Variants in ZNF365 observed in about 807,000 individuals in gnomAD.
ZNF365 encodes zinc finger protein 365, also known as protein ZNF365.
ZNF365 carries 22 observed loss-of-function variants against 35.0 expected under a neutral mutation model. The ratio of observed to expected loss-of-function variants is 0.63; its 90% CI spans 0.45 to 0.90. ZNF365 has a LOEUF of 0.90. Ranked by LOEUF, ZNF365 falls within the 40% of genes least tolerant of loss-of-function variation. The pLI is 0.00. For missense variants in ZNF365, 448 were observed against 500.3 expected (o/e 0.90, Z 1.00); for synonymous variants, 188 against 196.2 (o/e 0.96, Z 0.35).
intron 4 of ZNF365, among the ~76,000 whole-genome samples, chr10:62,463,909 G>C (rs1350432238): frequency 6.6e-6 from 1 of 152,142 alleles, no homozygotes; most frequent in Non-Finnish European, 1.5e-5. Flanking sequence ...CCCTCCAACG[G>C]ATGAGAGACT....
chr10:62,408,658 A>G (rs1224791700), intron 3 of ZNF365, among the ~76,000 whole-genome samples: 1 of 152,140 alleles, frequency 6.6e-6, no homozygotes, highest in Non-Finnish European at 1.5e-5. Flanking sequence ...AGTGTCAGAA[A>G]ACAAATACTA....
At chr10:62,414,241 C>T (rs1479200508) in intron 3 of ZNF365, among the ~76,000 whole-genome samples, 1 of 151,854 alleles carries the variant, frequency 6.6e-6, no homozygotes, top group Non-Finnish European at 1.5e-5. Context: ...TTTCTGTCAC[C>T]CAGGCTGGAA....
chr10:62,471,531 A>C (rs1033964363), intron 4 of ZNF365, among the ~76,000 whole-genome samples: 2 of 152,224 alleles, frequency 1.3e-5, no homozygotes, highest in African/African-American at 4.8e-5. Context: ...CCATACTTGG[A>C]ATAGCGAAAG....
At chr10:62,431,670 C>A (rs1233875869) in intron 3 of ZNF365, among the ~76,000 whole-genome samples, 1 of 152,074 alleles carries the variant, frequency 6.6e-6, no homozygotes, top group Non-Finnish European at 1.5e-5. Flanking sequence ...GTTTGCACAA[C>A]AAAATAATCT....
intron 3 of ZNF365, among the ~76,000 whole-genome samples, chr10:62,427,121 G>A (rs1840262301): frequency 6.6e-6 from 1 of 152,200 alleles, no homozygotes; most frequent in Non-Finnish European, 1.5e-5. Flanking sequence ...TGTTTGTGGT[G>A]ATGGTTAATA....
At chr10:62,451,322 T>C (rs1216324949) in intron 3 of ZNF365, among the ~76,000 whole-genome samples, 4 of 152,202 alleles carry the variant, frequency 2.6e-5, no homozygotes, top group African/African-American at 7.2e-5. Flanking sequence ...TGAGCTTGTT[T>C]CCTTGTTCAA....
At chr10:62,471,348 A>G (rs1841033916) in intron 4 of ZNF365, among the ~76,000 whole-genome samples, 1 of 148,918 alleles carries the variant, frequency 6.7e-6, no homozygotes, top group Non-Finnish European at 1.5e-5. Flanking sequence ...CCTGGGCGAC[A>G]GAGCAAGACT....
At chr10:62,437,268 A>G (rs950797730) in intron 3 of ZNF365, among the ~76,000 whole-genome samples, 3 of 152,202 alleles carry the variant, frequency 2.0e-5, no homozygotes, top group African/African-American at 7.2e-5. Flanking sequence ...ATTTGTAAGT[A>G]GCAGTTTGGC....
intron 2 of ZNF365, among the ~76,000 whole-genome samples, chr10:62,380,502 T>C (rs1171805819): frequency 6.6e-6 from 1 of 152,232 alleles, no homozygotes; most frequent in Non-Finnish European, 1.5e-5. Flanking sequence ...AGTTAAGTGT[T>C]TGGAGAGTCA....
At chr10:62,393,992 A>G (rs925637869) in intron 3 of ZNF365, among the ~76,000 whole-genome samples, 1 of 152,184 alleles carries the variant, frequency 6.6e-6, no homozygotes, top group African/African-American at 2.4e-5. Flanking sequence ...TTTGAACCAT[A>G]GTCAGACACA....
chr10:62,383,775 G>A (rs1449375509), intron 2 of ZNF365, among the ~76,000 whole-genome samples: 1 of 152,186 alleles, frequency 6.6e-6, no homozygotes, highest in Admixed American at 6.5e-5. Context: ...TAACTGAGAG[G>A]ATTCCATCTG....
At chr10:62,406,836 A>G (rs142246002), downstream of ZNF365, among the ~76,000 whole-genome samples, 1 of 152,312 alleles carries the variant, frequency 6.6e-6, no homozygotes, top group East Asian at 1.9e-4. Flanking sequence ...GTCTGCAGCT[A>G]TCCTGTAGTG....
intron 3 of ZNF365, among the ~76,000 whole-genome samples, chr10:62,444,394 G>A (rs895183898): frequency 6.6e-6 from 1 of 152,148 alleles, no homozygotes; most frequent in African/African-American, 2.4e-5. Flanking sequence ...AGAAGTAGCT[G>A]CGCTCAATTA....
At chr10:62,390,011 G>C (rs938385656) in intron 3 of ZNF365, among the ~76,000 whole-genome samples, 1 of 152,012 alleles carries the variant, frequency 6.6e-6, no homozygotes, top group Non-Finnish European at 1.5e-5. Context: ...TGGCTGGAGG[G>C]ACTATCTGAG....
At chr10:62,378,958 G>T (rs984618308) in intron 2 of ZNF365, among the ~76,000 whole-genome samples, 4 of 151,168 alleles carry the variant, frequency 2.6e-5, no homozygotes, top group Non-Finnish European at 5.9e-5. Flanking sequence ...ATAGTGCCTT[G>T]GTTATTATCC....
At chr10:62,445,009 A>G (rs1039564945) in intron 3 of ZNF365, among the ~76,000 whole-genome samples, 1 of 151,142 alleles carries the variant, frequency 6.6e-6, no homozygotes, top group Non-Finnish European at 1.5e-5. Context: ...CCCACCTATG[A>G]GTGAGAACAC....
At chr10:62,439,922 G>A (rs1366716162) in intron 3 of ZNF365, among the ~76,000 whole-genome samples, 1 of 152,154 alleles carries the variant, frequency 6.6e-6, no homozygotes, top group Non-Finnish European at 1.5e-5. Context: ...CTGGCCCAGT[G>A]CTTGAGACAG....
intron 4 of ZNF365, among the ~76,000 whole-genome samples, chr10:62,469,466 G>A (rs1161069894): frequency 1.3e-5 from 2 of 152,090 alleles, no homozygotes; most frequent in Non-Finnish European, 2.9e-5. Flanking sequence ...AATACCCTCA[G>A]TTTTTTAGCG....
At chr10:62,409,221 G>A (rs1188100378) in intron 3 of ZNF365, among the ~76,000 whole-genome samples, 7 of 152,146 alleles carry the variant, frequency 4.6e-5, no homozygotes, top group Non-Finnish European at 1.0e-4. Context: ...GAAGAGAGTG[G>A]AGGCAGCAGC....
Sources: allele counts gnomAD v4.1 joint callset (sites outside exome capture counted in the v4.1 genomes callset), GRCh38; gene constraint gnomAD v4.1.1; transcripts MANE v1.5; gene names NCBI Gene and HGNC (gene_info 2026-07-23, HGNC 2026-07-21).